Variants in CLEC6A observed in about 807,000 individuals in gnomAD.
The protein encoded by CLEC6A is C-type lectin domain family 6 member A.
In CLEC6A, 22 loss-of-function variants were observed where a neutral mutation model predicts 25.7. The ratio of observed to expected loss-of-function variants is 0.85; its 90% CI spans 0.61 to 1.22. CLEC6A has a LOEUF of 1.22. CLEC6A is among the 50% of genes most tolerant of loss of function. The pLI is 0.00. For synonymous variants in CLEC6A, 92 were observed against 76.7 expected, an observed-to-expected ratio of 1.20 and a Z score of -1.04; for missense variants, 240 against 236.8, an observed-to-expected ratio of 1.01 and a Z score of -0.09.
intron 4 of CLEC6A, among the ~76,000 whole-genome samples, chr12:8,474,087 T>G (rs1939940733): frequency 6.6e-6 from 1 of 152,160 alleles, no homozygotes; most frequent in African/African-American, 2.4e-5. Context: ...TAGGTCCCAC[T>G]TGAGAATTTT....
intron 4 of CLEC6A, among the ~76,000 whole-genome samples, chr12:8,471,536 G>T (rs1168114200): frequency 3.3e-5 from 5 of 151,848 alleles, no homozygotes; most frequent in African/African-American, 4.8e-5. Flanking sequence ...AGAATTCTAT[G>T]AATTTCTTCT....
At chr12:8,457,813 A>G in intron 1 of CLEC6A, 85 bp from the exon 2 acceptor site, 2 of 909,430 alleles carry the variant, frequency 2.2e-6, no homozygotes, top group Admixed American at 1.8e-5. Context: ...TTCTTCATCT[A>G]GTTTGTTCAT....
At chr12:8,471,814 G>C (rs1362153161) in intron 4 of CLEC6A, among the ~76,000 whole-genome samples, 1 of 151,970 alleles carries the variant, frequency 6.6e-6, no homozygotes, top group Non-Finnish European at 1.5e-5. Context: ...TTAGTTGGCT[G>C]ATTTTATTTT....
At chr12:8,465,379 TAA>T in intron 3 of CLEC6A, 103 bp from the exon 4 acceptor site, 1 of 1,124,656 alleles carries the variant, frequency 8.9e-7, no homozygotes, top group Non-Finnish European at 1.3e-6. Flanking sequence ...CAGGAAACAG[TAA>T]AAACGTGAAT....
intron 3 of CLEC6A, chr12:8,460,624 G>A (rs986877695): frequency 2.9e-6 from 4 of 1,367,518 alleles, no homozygotes; most frequent in African/African-American, 1.4e-5. Context: ...CAAGATGGGT[G>A]CATACAAGTA....
intron 4 of CLEC6A, among the ~76,000 whole-genome samples, chr12:8,473,812 AT>A (rs777570693): frequency 1.3e-5 from 2 of 151,006 alleles, no homozygotes; most frequent in Non-Finnish European, 3.0e-5. Flanking sequence ...TTTTGTTTGC[AT>A]TTTTTTCATG....
intron 4 of CLEC6A, among the ~76,000 whole-genome samples, chr12:8,469,892 A>G (rs4883156): frequency 0.77 from 117,564 of 152,072 alleles, 45,903 homozygotes; most frequent in East Asian, 0.99. Context: ...TTCATGACCA[A>G]GAACCCAAAA....
Position 8,461,101 on chromosome 12 carries a change from T to C in CLEC6A, c.223+1403T>C, listed in dbSNP as rs137932843. On this transcript the variant is annotated intron_variant, in intron 3 of 5. Transcript: ENST00000382073. ...ACCAGTCCACAAGCACAGGGAGATG[T>C]GTGGGCTGACATCTGCAGGCTGAAA... The C allele has an allele frequency of 1.1e-3, 1,820 of 1,595,790 alleles. 23 individuals are homozygous for C. The African/African-American group carries it at 0.022, about 19-fold the overall frequency.
At chr12:8,471,180 G>A (rs1185157796) in intron 4 of CLEC6A, among the ~76,000 whole-genome samples, 1 of 151,912 alleles carries the variant, frequency 6.6e-6, no homozygotes, top group African/African-American at 2.4e-5. Flanking sequence ...GTATATTATT[G>A]GAGTGGTTTG....
intron 4 of CLEC6A, among the ~76,000 whole-genome samples, chr12:8,474,855 A>G (rs2136366967): frequency 6.6e-6 from 1 of 152,274 alleles, no homozygotes; most frequent in Admixed American, 6.5e-5. Flanking sequence ...TATTATGTTT[A>G]ACTTTTCCAA....
Position 8,477,558 on chromosome 12 carries a change from T to G in CLEC6A, c.*94T>G. On this transcript the variant is annotated 3_prime_UTR_variant, in exon 6 of 6. Coordinates refer to ENST00000382073, the MANE Select transcript of CLEC6A (RefSeq NM_001007033.2). ...AACCCTATCATGAAATGATAATTTC[T>G]TCCTGAATTTACACATAATCCTTAT... The G allele has an allele frequency of 1.0e-6, 1 of 962,720 alleles. No homozygotes were observed. Among genetic ancestry groups the G allele is most frequent in the Non-Finnish European group, 1.5e-6 (1 of 660,504 alleles). 59.6% of individuals were successfully genotyped at this position (962,720 alleles called of 1,614,324 possible).
rs569841370 is a variant in CLEC6A, at chr12:8,458,413, A to C, written c.121+426A>C. Among the ~76,000 whole-genome samples, 158 of 152,338 alleles carry C rather than the reference A, an allele frequency of 1.0e-3. 1 individual carries two copies. Among genetic ancestry groups the C allele is most frequent in the Non-Finnish European group, 1.9e-3 (129 of 68,036 alleles). On this transcript the variant is annotated intron_variant, in intron 2 of 5. Transcript: ENST00000382073. The stretch of plus-strand genomic sequence containing the variant: ...GATCCTTTCCAATGTGAGAGGAAAA[A>C]GTATTCAAATGAAATGATGGAGATA...
Position 8,478,021 on chromosome 12 carries a change from T to G in CLEC6A, c.*557T>G, listed in dbSNP as rs1156740873. 1.3e-5 allele frequency: 2 copies of G among 152,048 alleles called. No individual in the cohort carries two copies. The highest frequency in any genetic ancestry group is 2.4e-5 in the African/African-American group (1 of 41,434). 9.4% of individuals were successfully genotyped at this position (152,048 alleles called of 1,614,324 possible). A position where few individuals can be genotyped will look rare whatever the true frequency, so the allele number is the denominator to read the frequency against. ...GGATTTGGCATTTTATATATGTTGA[T>G]TCAATCAAGTTTGGCAAGCAGGGTG... On this transcript the variant is annotated 3_prime_UTR_variant, in exon 6 of 6. Transcript: ENST00000382073.
Position 8,461,222 on chromosome 12 carries a change from G to A in CLEC6A, c.223+1524G>A, listed in dbSNP as rs114464449. On this transcript the variant is annotated intron_variant, in intron 3 of 5. Coordinates refer to ENST00000382073, the MANE Select transcript of CLEC6A (RefSeq NM_001007033.2). The stretch of plus-strand genomic sequence containing the variant: ...ATGTGCAATACTCTCCAGCTCCACC[G>A]TTACCGCTAACATAAGTAAAGTTTG... The A allele has an allele frequency of 2.7e-3, 2,105 of 784,826 alleles. 31 individuals carry two copies. The African/African-American group carries it at 0.032, about 12-fold the overall frequency. 48.6% of individuals were successfully genotyped at this position (784,826 alleles called of 1,614,324 possible).
intron 4 of CLEC6A, among the ~76,000 whole-genome samples, chr12:8,474,957 A>G (rs879770225): frequency 6.6e-5 from 10 of 152,120 alleles, no homozygotes; most frequent in African/African-American, 9.7e-5. Context: ...ATAGGTATAC[A>G]TGTGCCATGT....
chr12:8,462,356 G>T (rs191012100), intron 3 of CLEC6A, among the ~76,000 whole-genome samples: 1,719 of 132,034 alleles, frequency 0.013, 44 homozygotes, highest in African/African-American at 0.043. Flanking sequence ...CCCGTAAAGG[G>T]TCTGTGCTGA....
chr12:8,462,207 C>A lies in CLEC6A; in HGVS notation c.223+2509C>A, dbSNP rs373361564. Among the ~76,000 whole-genome samples the A allele has an allele frequency of 6.6e-5, 10 of 150,436 alleles. No homozygotes were observed. In the South Asian group the frequency reaches 1.1e-3, roughly 16 times the overall value. ...ATCACCACTCCCTAATCTCAAGTAC[C>A]CAGGGACACAAACACTGCGGAAGGC... On this transcript the variant is annotated intron_variant, in intron 3 of 5. Transcript: ENST00000382073.
In CLEC6A at chr12:8,477,387, A is replaced by G. The variant is rs1452849866; in HGVS notation, c.553A>G (p.Thr185Ala). ...TGCTTCAATAGTCTTCTGGAAACCT[A>G]CAGGATGGGGCTGGAATGATGTTAT... ...QCASIVFWKP[T>A]GWGWNDVICE... The change falls in exon 6 of 6, where the codon ACA (threonine) becomes GCA (alanine). Residue 185 changes from threonine to alanine, a missense_variant. Coordinates refer to ENST00000382073, the MANE Select transcript of CLEC6A (RefSeq NM_001007033.2). 2 of 1,612,408 alleles carry G rather than the reference A, an allele frequency of 1.2e-6. No homozygotes were observed. The highest frequency in any genetic ancestry group is 2.2e-5 in the East Asian group (1 of 44,850).
chr12:8,464,338 T>C (rs1395374827), intron 3 of CLEC6A, among the ~76,000 whole-genome samples: 3 of 151,694 alleles, frequency 2.0e-5, no homozygotes, highest in Admixed American at 6.6e-5. Context: ...TTTTTCTTTT[T>C]TTTTTTTTTG....
Sources: allele counts gnomAD v4.1 joint callset (sites outside exome capture counted in the v4.1 genomes callset), GRCh38; gene constraint gnomAD v4.1.1; transcripts MANE v1.5; gene names NCBI Gene and HGNC (gene_info 2026-07-23, HGNC 2026-07-21).